The following C19orf38 variants were observed in gnomAD, a reference collection of about 807,000 sequenced individuals.
C19orf38 encodes protein HIDE1.
In C19orf38, 14 loss-of-function variants were observed where a neutral mutation model predicts 26.6. That is an observed-to-expected ratio of 0.53 (90% confidence interval 0.35 to 0.82). The LOEUF is 0.82. Among genes scored for constraint, C19orf38 ranks in the 40% least tolerant of loss-of-function variants. The pLI, the probability that C19orf38 is intolerant of heterozygous loss-of-function variation, is 0.01. For missense variants in C19orf38, 261 were observed against 299.5 expected, an observed-to-expected ratio of 0.87 and a Z score of 0.95; for synonymous variants, 132 against 128.5, an observed-to-expected ratio of 1.03 and a Z score of -0.18.
chr19:10,852,068 T>C (rs1192453633), intron 2 of C19orf38, among the ~76,000 whole-genome samples: 1 of 151,584 alleles, frequency 6.6e-6, no homozygotes, highest in African/African-American at 2.4e-5. Flanking sequence ...AGGAGGATCA[T>C]TTGAATCTGG....
chr19:10,851,375 AG>A (rs2073570910), intron 2 of C19orf38, among the ~76,000 whole-genome samples: 1 of 149,686 alleles, frequency 6.7e-6, no homozygotes, highest in Non-Finnish European at 1.5e-5. Context: ...AAATGAGACA[AG>A]GTCGTGCAGA....
At chr19:10,841,056 T>TCTG (rs1445717891) in intron 1 of C19orf38, among the ~76,000 whole-genome samples, 1 of 152,132 alleles carries the variant, frequency 6.6e-6, no homozygotes, top group African/African-American at 2.4e-5. Flanking sequence ...GGTGTGTATA[T>TCTG]CTTCTTTGGA....
At chr19:10,862,771 T>C (rs1232518997) in intron 5 of C19orf38, among the ~76,000 whole-genome samples, 1 of 151,880 alleles carries the variant, frequency 6.6e-6, no homozygotes, top group Admixed American at 6.6e-5. Flanking sequence ...GGAAGTTGCA[T>C]TGAGCCGAGA....
chr19:10,848,359 G>C, upstream of C19orf38: 1 of 783,656 alleles, frequency 1.3e-6, no homozygotes, highest in Non-Finnish European at 2.1e-6. Context: ...GCCCAAGCCT[G>C]TGTGTGCAAC....
chr19:10,837,088 G>T (rs888808030), intron 1 of C19orf38, among the ~76,000 whole-genome samples: 2 of 152,180 alleles, frequency 1.3e-5, no homozygotes, highest in African/African-American at 4.8e-5. Context: ...TTCCTCTTCT[G>T]CAAAATGGGG....
chr19:10,855,467 A>G (rs530106854), intron 2 of C19orf38, among the ~76,000 whole-genome samples: 9 of 152,174 alleles, frequency 5.9e-5, no homozygotes, highest in African/African-American at 2.2e-4. Flanking sequence ...CCTCTGAAGT[A>G]GCTGGAATTA....
intron 2 of C19orf38, among the ~76,000 whole-genome samples, chr19:10,853,899 GTT>G (rs545079431): frequency 2.7e-4 from 31 of 116,838 alleles, no homozygotes; most frequent in Admixed American, 3.5e-4. Flanking sequence ...TCCGGCTAAT[GTT>G]TTTTTTTTTT....
At chr19:10,838,149 A>G (rs36005568) in intron 1 of C19orf38, among the ~76,000 whole-genome samples, 47,028 of 152,116 alleles carry the variant, frequency 0.31, 7,472 homozygotes, top group East Asian at 0.57. Flanking sequence ...GGTGGCTTAC[A>G]CCTGTAATCC....
At chr19:10,839,183 G>A (rs2073461053) in intron 1 of C19orf38, among the ~76,000 whole-genome samples, 1 of 152,120 alleles carries the variant, frequency 6.6e-6, no homozygotes, top group Non-Finnish European at 1.5e-5. Flanking sequence ...GGGATTACTG[G>A]TGTGAGCCAC....
chr19:10,858,391 G>A, intron 4 of C19orf38, 48 bp downstream of exon 4: 1 of 1,505,828 alleles, frequency 6.6e-7, no homozygotes, highest in African/African-American at 1.4e-5. Context: ...GGGAAAGAAG[G>A]ACACTTCCCT....
At chr19:10,837,543 G>A (rs1361000976) in intron 1 of C19orf38, among the ~76,000 whole-genome samples, 2 of 104,352 alleles carry the variant, frequency 1.9e-5, no homozygotes, top group African/African-American at 7.8e-5. Flanking sequence ...GTCTCCCTCT[G>A]TTGCCCAGGC....
At chr19:10,842,864 C>G (rs1214880558) in intron 1 of C19orf38, among the ~76,000 whole-genome samples, 1 of 152,238 alleles carries the variant, frequency 6.6e-6, no homozygotes, top group African/African-American at 2.4e-5. Flanking sequence ...AAGGGCATGA[C>G]ACTGGAGGCA....
intron 1 of C19orf38, among the ~76,000 whole-genome samples, chr19:10,839,462 G>A (rs556264427): frequency 2.0e-5 from 3 of 152,184 alleles, no homozygotes; most frequent in South Asian, 4.1e-4. Context: ...TGCCCTCACT[G>A]CCTGCCTAAA....
At chr19:10,864,151 C>A (rs902259956) in intron 6 of C19orf38, among the ~76,000 whole-genome samples, 2 of 149,832 alleles carry the variant, frequency 1.3e-5, no homozygotes, top group African/African-American at 4.9e-5. Context: ...CTTCCGACTC[C>A]CGGGTTCAAG....
chr19:10,846,012 C>G (rs1443725012), upstream of C19orf38, among the ~76,000 whole-genome samples: 1 of 150,344 alleles, frequency 6.7e-6, no homozygotes, highest in African/African-American at 2.4e-5. Flanking sequence ...GACCCTGTCT[C>G]TACAATTTTT....
At chr19:10,846,754 C>T (rs972581609), upstream of C19orf38, among the ~76,000 whole-genome samples, 1 of 152,172 alleles carries the variant, frequency 6.6e-6, no homozygotes, top group Admixed American at 6.6e-5. Flanking sequence ...CATTTGACAA[C>T]TCTGATGAAA....
intron 1 of C19orf38, among the ~76,000 whole-genome samples, chr19:10,840,930 C>A (rs1363352207): frequency 6.6e-6 from 1 of 152,122 alleles, no homozygotes; most frequent in African/African-American, 2.4e-5. Context: ...CCACTGTGAC[C>A]GGCCCTGTTT....
At chr19:10,847,963 C>T (rs1344538535), upstream of C19orf38, among the ~76,000 whole-genome samples, 3 of 151,936 alleles carry the variant, frequency 2.0e-5, no homozygotes, top group South Asian at 2.1e-4. Flanking sequence ...GAGGCTGGGG[C>T]GGGCAGATAA....
At chr19:10,844,993 C>CAAAAAAAA (rs57500129), upstream of C19orf38, among the ~76,000 whole-genome samples, 1 of 95,804 alleles carries the variant, frequency 1.0e-5, no homozygotes, top group African/African-American at 3.9e-5. Context: ...CCTTTCTCTA[C>CAAAAAAAA]AAAAAAAAAA....
Sources: gnomAD v4.1 joint callset for allele counts (sites outside exome capture counted in the v4.1 genomes callset) on GRCh38, gnomAD v4.1.1 for gene constraint, MANE v1.5 for transcripts, NCBI Gene and HGNC (gene_info 2026-07-23, HGNC 2026-07-21) for gene names.